The following OLAH variants were observed in gnomAD, a reference collection of about 807,000 sequenced individuals.
OLAH encodes the protein oleoyl-ACP hydrolase, also known as S-acyl fatty acid synthase thioesterase, medium chain.
OLAH carries 33 observed loss-of-function variants against 27.8 expected under a neutral mutation model. The ratio of observed to expected loss-of-function variants is 1.19; its 90% CI spans 0.90 to 1.59. OLAH has a LOEUF of 1.59. Ranked by LOEUF, OLAH falls within the 40% of genes most tolerant of loss-of-function variation. The pLI is 0.00. For missense variants in OLAH, 359 were observed against 310.8 expected, an observed-to-expected ratio of 1.16 and a Z score of -1.17; for synonymous variants, 120 against 102.9, an observed-to-expected ratio of 1.17 and a Z score of -1.01.
intron 3 of OLAH, among the ~76,000 whole-genome samples, chr10:15,052,886 G>A (rs1262189105): frequency 6.6e-6 from 1 of 151,840 alleles, no homozygotes; most frequent in African/African-American, 2.4e-5. Flanking sequence ...GGGAATACAG[G>A]CATGCACCAC....
chr10:15,036,291 A>G (rs1164596896), intron 1 of OLAH, among the ~76,000 whole-genome samples: 2 of 152,128 alleles, frequency 1.3e-5, no homozygotes, highest in Admixed American at 6.5e-5. Context: ...TGAGGTCAGG[A>G]GTTCAAGACC....
chr10:15,053,472 G>T (rs1007991141), intron 3 of OLAH, among the ~76,000 whole-genome samples: 6 of 152,126 alleles, frequency 3.9e-5, no homozygotes, highest in Non-Finnish European at 8.8e-5. Context: ...CAGTGAGCAT[G>T]CATACAACTC....
chr10:15,039,909 C>G (rs1011889805), upstream of OLAH, among the ~76,000 whole-genome samples: 3 of 152,180 alleles, frequency 2.0e-5, no homozygotes, highest in African/African-American at 7.2e-5. Context: ...AAGGTAGGTA[C>G]CCTTTCTGCC....
chr10:15,062,816 G>C (rs1844394880), intron 4 of OLAH, among the ~76,000 whole-genome samples: 1 of 149,352 alleles, frequency 6.7e-6, no homozygotes, highest in Non-Finnish European at 1.5e-5. Context: ...TCAGCTCATT[G>C]CAACCTACAC....
chr10:15,070,440 C>G (rs1844561140), intron 6 of OLAH, among the ~76,000 whole-genome samples: 1 of 152,164 alleles, frequency 6.6e-6, no homozygotes, highest in Non-Finnish European at 1.5e-5. Context: ...TCCCAATACT[C>G]CACTTTGTTC....
At chr10:15,033,330 G>C (rs1208386256) in intron 1 of OLAH, among the ~76,000 whole-genome samples, 1 of 152,110 alleles carries the variant, frequency 6.6e-6, no homozygotes, top group Non-Finnish European at 1.5e-5. Flanking sequence ...ACTGTAAAGG[G>C]CAAATCCTTT....
At chr10:15,070,965 G>T (rs1219885990) in intron 6 of OLAH, among the ~76,000 whole-genome samples, 1 of 151,554 alleles carries the variant, frequency 6.6e-6, no homozygotes, top group Non-Finnish European at 1.5e-5. Context: ...TTTTTATGTA[G>T]TAGAAATGGG....
chr10:15,062,702 C>A (rs1844391265), intron 4 of OLAH, among the ~76,000 whole-genome samples: 1 of 150,688 alleles, frequency 6.6e-6, no homozygotes, highest in Non-Finnish European at 1.5e-5. Context: ...TGAGCTATTT[C>A]TATCTTTTTC....
upstream of OLAH, among the ~76,000 whole-genome samples, chr10:15,039,848 T>G (rs1843894991): frequency 6.6e-6 from 1 of 152,182 alleles, no homozygotes; most frequent in Non-Finnish European, 1.5e-5. Flanking sequence ...GATGATTTGT[T>G]AAGCAAAACT....
At chr10:15,034,949 G>A (rs772394251) in intron 1 of OLAH, among the ~76,000 whole-genome samples, 8 of 151,770 alleles carry the variant, frequency 5.3e-5, no homozygotes, top group Non-Finnish European at 1.0e-4. Flanking sequence ...TTACAGGTGC[G>A]CACCACCACG....
chr10:15,065,888 C>T (rs1844458037), intron 6 of OLAH, 135 bp downstream of exon 6: 3 of 722,464 alleles, frequency 4.2e-6, no homozygotes, highest in Admixed American at 2.9e-5. Context: ...TTTGGGGCCA[C>T]CTATGGTATG....
At position 15,073,316 on chromosome 10, in the gene OLAH, G is replaced by T; in HGVS notation, c.*87G>T. On this transcript the variant is annotated 3_prime_UTR_variant, in exon 8 of 8. Transcript: ENST00000378228. The stretch of plus-strand genomic sequence containing the variant: ...ATATAGCTCAGTTTTATTCAGATTG[G>T]AAATTACACATTTTCTACTGTCAGG... 3 of 857,274 alleles carry T rather than the reference G, an allele frequency of 3.5e-6. No individual in the cohort carries two copies. The highest frequency in any genetic ancestry group is 3.6e-6 in the Non-Finnish European group (2 of 561,320). The allele number at this position is 857,274 out of a possible 1,614,324, so 53.1% of individuals were successfully genotyped here. A position where few individuals can be genotyped will look rare whatever the true frequency, so the allele number is the denominator to read the frequency against.
At chr10:15,054,949 G>A (rs1226226171) in intron 3 of OLAH, among the ~76,000 whole-genome samples, 2 of 151,702 alleles carry the variant, frequency 1.3e-5, no homozygotes, top group East Asian at 1.9e-4. Flanking sequence ...TTTCTGCTTT[G>A]TGAGGTGTTT....
chr10:15,054,626 G>A (rs1377802819), intron 3 of OLAH, among the ~76,000 whole-genome samples: 2 of 151,986 alleles, frequency 1.3e-5, no homozygotes, highest in African/African-American at 4.8e-5. Flanking sequence ...GTTTTGTAAT[G>A]TTTTCCCTTC....
At chr10:15,051,595 C>T (rs1474679140) in intron 3 of OLAH, among the ~76,000 whole-genome samples, 1 of 152,142 alleles carries the variant, frequency 6.6e-6, no homozygotes, top group Admixed American at 6.5e-5. Context: ...TAGAGACACA[C>T]CTATTATCTG....
intron 7 of OLAH, among the ~76,000 whole-genome samples, chr10:15,072,846 G>T (rs1042079949): frequency 3.9e-5 from 6 of 151,994 alleles, no homozygotes; most frequent in Non-Finnish European, 7.4e-5. Flanking sequence ...ATGGTTTATG[G>T]TTATGGTGAC....
chr10:15,055,780 C>T (rs1424119236), intron 3 of OLAH, among the ~76,000 whole-genome samples: 1 of 152,050 alleles, frequency 6.6e-6, no homozygotes, highest in East Asian at 1.9e-4. Context: ...TCTCCCTCTC[C>T]ATTTATGGCC....
At chr10:15,057,358 A>C (rs1363364845) in intron 3 of OLAH, among the ~76,000 whole-genome samples, 1 of 151,150 alleles carries the variant, frequency 6.6e-6, no homozygotes, top group East Asian at 1.9e-4. Context: ...TTGAATTGTA[A>C]ATTGAGTTTT....
At chr10:15,061,951 C>CAT (rs1458250911) in intron 4 of OLAH, 89 bp downstream of exon 4, 1 of 1,278,466 alleles carries the variant, frequency 7.8e-7, no homozygotes, top group African/African-American at 1.5e-5. Context: ...TTGTAAGATG[C>CAT]ATACCTTTGT....
Sources: gnomAD v4.1 joint callset for allele counts (sites outside exome capture counted in the v4.1 genomes callset) on GRCh38, gnomAD v4.1.1 for gene constraint, MANE v1.5 for transcripts, NCBI Gene and HGNC (gene_info 2026-07-23, HGNC 2026-07-21) for gene names.